Variants in NFIB observed in about 807,000 individuals in gnomAD.
The protein encoded by NFIB is nuclear factor 1 B-type.
Under a neutral mutation model 61.5 loss-of-function variants are expected in NFIB, and 11 were observed. That is an observed-to-expected ratio of 0.18 (90% confidence interval 0.11 to 0.30). The LOEUF (loss-of-function observed/expected upper bound fraction) is 0.30, where lower values mean the gene tolerates loss of function less well. Among genes scored for constraint, NFIB ranks in the 10% least tolerant of loss-of-function variants. NFIB has a pLI of 1.00. For synonymous variants in NFIB, 260 were observed against 216.5 expected (o/e 1.20, Z -1.76); for missense variants, 471 against 608.9 (o/e 0.77, Z 2.38).
At chr9:14,237,445 T>C (rs2053848302) in intron 2 of NFIB, among the ~76,000 whole-genome samples, 1 of 152,088 alleles carries the variant, frequency 6.6e-6, no homozygotes, top group Non-Finnish European at 1.5e-5. Context: ...CTTGGCCACC[T>C]AAGATATACC....
chr9:14,377,347 C>T (rs1258385922), intron 1 of NFIB, among the ~76,000 whole-genome samples: 1 of 152,136 alleles, frequency 6.6e-6, no homozygotes, highest in African/African-American at 2.4e-5. Context: ...TTCTGAGTAG[C>T]CAGGACTACA....
intron 1 of NFIB, among the ~76,000 whole-genome samples, chr9:14,340,433 C>G (rs913792361): frequency 6.6e-6 from 1 of 152,194 alleles, no homozygotes; most frequent in African/African-American, 2.4e-5. Flanking sequence ...ACACTCGTAG[C>G]AATTCTAATT....
At chr9:14,238,714 T>A (rs1053121782) in intron 2 of NFIB, among the ~76,000 whole-genome samples, 2 of 152,186 alleles carry the variant, frequency 1.3e-5, no homozygotes, top group Non-Finnish European at 2.9e-5. Flanking sequence ...TGTGGACTCA[T>A]GACTCAGTGC....
At chr9:14,394,171 G>A (rs1028153885) in intron 1 of NFIB, among the ~76,000 whole-genome samples, 10 of 152,158 alleles carry the variant, frequency 6.6e-5, no homozygotes, top group African/African-American at 2.4e-4. Flanking sequence ...TCCCAATCTA[G>A]TGGGGGAAAA....
chr9:14,346,771 A>G (rs574146054), intron 1 of NFIB, among the ~76,000 whole-genome samples: 1 of 152,342 alleles, frequency 6.6e-6, no homozygotes, highest in Non-Finnish European at 1.5e-5. Context: ...AAGGAGTTAT[A>G]GAACCTTGAG....
chr9:14,443,547 T>G, the NFIB span, among the ~76,000 whole-genome samples: 2 of 152,154 alleles, frequency 1.3e-5, no homozygotes. Context: ...CTCAGTCCCT[T>G]TCTAAGCCAT....
At position 14,211,520 on chromosome 9, in the gene NFIB, C is replaced by T. The variant is rs567226209; in HGVS notation, c.563-31740G>A. 2.0e-5 allele frequency among the ~76,000 whole-genome samples: 3 copies of T among 152,322 alleles called. No homozygotes were observed. The East Asian group carries it at 5.8e-4, about 29-fold the overall frequency. On this transcript the variant is annotated intron_variant, in intron 2 of 10. Coordinates refer to ENST00000380953, the MANE Select transcript of NFIB (RefSeq NM_001190737.2). Reference sequence around the variant, plus strand: ...AATAGATAAAAGCTTTGACCACTCCCATTGTCTACCTTAAAAAAATACTAG... The same window carrying T: ...AATAGATAAAAGCTTTGACCACTCCTATTGTCTACCTTAAAAAAATACTAG...
chr9:14,446,287 C>G, the NFIB span, among the ~76,000 whole-genome samples: 6 of 152,116 alleles, frequency 3.9e-5, no homozygotes, highest in African/African-American at 1.4e-4. Context: ...AACATTGTAT[C>G]AGTTCTGAAA....
chr9:14,251,688 A>G (rs1338829751), intron 2 of NFIB, among the ~76,000 whole-genome samples: 1 of 152,230 alleles, frequency 6.6e-6, no homozygotes, highest in Non-Finnish European at 1.5e-5. Context: ...AGCCTCCTGC[A>G]GGAGGTCAGC....
At chr9:14,372,644 G>C (rs550770443) in intron 1 of NFIB, among the ~76,000 whole-genome samples, 20 of 152,238 alleles carry the variant, frequency 1.3e-4, no homozygotes, top group African/African-American at 4.8e-4. Flanking sequence ...GAGAGGCTCT[G>C]GGCGGTTTTA....
At chr9:14,487,751 G>A in the NFIB span, among the ~76,000 whole-genome samples, 1 of 152,210 alleles carries the variant, frequency 6.6e-6, no homozygotes, top group Non-Finnish European at 1.5e-5. Flanking sequence ...GGCTTTCCAA[G>A]CTAATCATTA....
chr9:14,119,042 T>A (rs188884246), intron 8 of NFIB, among the ~76,000 whole-genome samples: 1 of 152,186 alleles, frequency 6.6e-6, no homozygotes, highest in Admixed American at 6.5e-5. Flanking sequence ...ACTCTAAGAT[T>A]TTCCACACTG....
the NFIB span, among the ~76,000 whole-genome samples, chr9:14,409,028 G>A: frequency 3.3e-5 from 5 of 152,256 alleles, no homozygotes; most frequent in East Asian, 9.7e-4. Context: ...AGTTACAGAA[G>A]TGTATGCCTA....
intron 2 of NFIB, among the ~76,000 whole-genome samples, chr9:14,198,026 G>A (rs2048641110): frequency 6.6e-6 from 1 of 152,180 alleles, no homozygotes; most frequent in Admixed American, 6.5e-5. Context: ...GGAGTCTACA[G>A]ACAGAATACA....
chr9:14,144,840 A>G (rs774595589), intron 6 of NFIB, among the ~76,000 whole-genome samples: 6 of 152,148 alleles, frequency 3.9e-5, no homozygotes, highest in African/African-American at 7.2e-5. Context: ...TCCAGAGGTC[A>G]TAACTTATAG....
At position 14,313,373 on chromosome 9, in the gene NFIB, G is replaced by T. The variant is rs1446516111; in HGVS notation, c.30+109C>A. On this transcript the variant is annotated intron_variant, in intron 1 of 10. Transcript: ENST00000380953. This position sits in a 1 kb window ranked among gnomAD's most constrained non-coding sequence, Gnocchi z 4.5. ...TGCAACTCCGGGCCACTTCTCCAAGGGACGGGGATGTGCGGAGGTTAACTC... is the reference window on the plus strand; with the variant it reads ...TGCAACTCCGGGCCACTTCTCCAAGTGACGGGGATGTGCGGAGGTTAACTC... 12 of 1,514,070 alleles carry T rather than the reference G, an allele frequency of 7.9e-6. No individual in the cohort carries two copies. The East Asian group carries it at 2.3e-4, about 30-fold the overall frequency. The allele number at this position is 1,514,070 out of a possible 1,614,324, so 93.8% of individuals were successfully genotyped here.
intron 10 of NFIB, among the ~76,000 whole-genome samples, chr9:14,097,164 A>C (rs980415996): frequency 6.6e-6 from 1 of 152,186 alleles, no homozygotes; most frequent in African/African-American, 2.4e-5. Flanking sequence ...TAATTCCTTT[A>C]AAAAGAATAT....
chr9:14,181,668 G>C (rs962537442), intron 2 of NFIB, among the ~76,000 whole-genome samples: 1 of 152,176 alleles, frequency 6.6e-6, no homozygotes, highest in Non-Finnish European at 1.5e-5. Context: ...TCTCAGCATT[G>C]ATATTACATT....
At chr9:14,390,696 A>T (rs12686501) in intron 1 of NFIB, among the ~76,000 whole-genome samples, 8,714 of 152,250 alleles carry the variant, frequency 0.057, 471 homozygotes, top group East Asian at 0.32. Flanking sequence ...GTGCCTTTTT[A>T]AAAAAGATCC....
Sources: gnomAD v4.1 joint callset for allele counts (sites outside exome capture counted in the v4.1 genomes callset) on GRCh38, gnomAD v4.1.1 for gene constraint, Gnocchi (gnomAD v3.1) non-coding constraint, MANE v1.5 for transcripts, NCBI Gene and HGNC (gene_info 2026-07-23, HGNC 2026-07-21) for gene names.